WSB2: variants seen among roughly 807,000 people sequenced by gnomAD.
WSB2 encodes WD repeat and SOCS box-containing protein 2.
Under a neutral mutation model 48.8 loss-of-function variants are expected in WSB2, and 12 were observed. The observed-to-expected ratio is 0.25, with a 90% CI of 0.16 to 0.40. The LOEUF (loss-of-function observed/expected upper bound fraction) is 0.40. Ranked by LOEUF, WSB2 falls within the 10% of genes least tolerant of loss-of-function variation. WSB2 has a pLI of 1.00. For synonymous variants in WSB2, 191 were observed against 203.1 expected, an observed-to-expected ratio of 0.94 and a Z score of 0.51; for missense variants, 317 against 506.2, an observed-to-expected ratio of 0.63 and a Z score of 3.59.
Position 118,035,200 on chromosome 12 carries a change from G to A in WSB2, c.944+14C>T, listed in dbSNP as rs776870457. ...CTTGTTCTGAGGCCATGTAAAGAGA[G>A]TTCTCTTCGTTACCTGTCATCTGCC... On this transcript the variant is annotated intron_variant, in intron 7 of 8. Coordinates refer to ENST00000315436, the MANE Select transcript of WSB2 (RefSeq NM_018639.5). 6.2e-7 allele frequency: 1 copy of A among 1,613,914 alleles called. No individual in the cohort carries two copies. The highest frequency in any genetic ancestry group is 1.1e-5 in the South Asian group (1 of 91,074).
intron 2 of WSB2, among the ~76,000 whole-genome samples, chr12:118,045,873 G>C (rs866293542): frequency 1.3e-4 from 20 of 152,006 alleles, no homozygotes; most frequent in African/African-American, 4.8e-4. Context: ...TCCCACCCCC[G>C]GTAACCACCA....
intron 4 of WSB2, 129 bp from the exon 5 acceptor site, chr12:118,038,517 G>T: frequency 1.4e-6 from 1 of 725,324 alleles, no homozygotes; most frequent in South Asian, 1.9e-5. Flanking sequence ...TGGGCCCAAG[G>T]GTCCAATTTT....
upstream of WSB2, among the ~76,000 whole-genome samples, chr12:118,061,469 G>A (rs79950936): frequency 0.039 from 5,860 of 149,528 alleles, 431 homozygotes; most frequent in African/African-American, 0.14. Context: ...GTCCTGAGGG[G>A]AACCAGCGCC....
chr12:118,061,000 C>T lies in WSB2; in HGVS notation c.13+36G>A. 1.2e-5 allele frequency: 12 copies of T among 967,430 alleles called. No homozygotes were observed. The highest frequency in any genetic ancestry group is 1.5e-5 in the Non-Finnish European group (12 of 812,778). 59.9% of individuals were successfully genotyped at this position (967,430 alleles called of 1,614,324 possible). A position where few individuals can be genotyped will look rare whatever the true frequency, so the allele number is the denominator to read the frequency against. Reference sequence around the variant, plus strand: ...CCCCGGGGAGAACGGGCCAGGGCCCCGCCGGGCGGGAACGGGCGCGCCCGG... The same window carrying T: ...CCCCGGGGAGAACGGGCCAGGGCCCTGCCGGGCGGGAACGGGCGCGCCCGG... On this transcript the variant is annotated intron_variant, in intron 1 of 8. Transcript: ENST00000315436. The surrounding 1 kb of genome is among the most constrained non-coding windows in gnomAD (Gnocchi z 4.1).
In WSB2 at chr12:118,033,857, G is replaced by A. The variant is rs1315215045; in HGVS notation, c.*339C>T. The A allele has an allele frequency of 2.1e-5, 6 of 289,812 alleles. No homozygotes were observed. The highest frequency in any genetic ancestry group is 1.8e-4 in the Admixed American group (4 of 22,426). 18.0% of individuals were successfully genotyped at this position (289,812 alleles called of 1,614,324 possible). A position where few individuals can be genotyped will look rare whatever the true frequency, so the allele number is the denominator to read the frequency against. On this transcript the variant is annotated 3_prime_UTR_variant, in exon 9 of 9. Coordinates refer to ENST00000315436, the MANE Select transcript of WSB2 (RefSeq NM_018639.5). ...CTCTGCCACTAGAGAGGCTCTGGAGGCCTACTTAGTTGCATAATCAAAACA... is the reference window on the plus strand; with the variant it reads ...CTCTGCCACTAGAGAGGCTCTGGAGACCTACTTAGTTGCATAATCAAAACA...
At position 118,035,249 on chromosome 12, in the gene WSB2, T is replaced by C. The variant is rs9788041; in HGVS notation, c.909A>G (p.Pro303=). 0.28 allele frequency: 453,012 copies of C among 1,613,944 alleles called. 68,409 individuals are homozygous for C. The highest frequency in any genetic ancestry group is 0.55 in the East Asian group (24,522 of 44,848). The change falls in exon 7 of 9, where the codon CCA becomes CCG. Residue 303 remains proline (P), a synonymous_variant. Coordinates refer to ENST00000315436, the MANE Select transcript of WSB2 (RefSeq NM_018639.5). The part of the protein sequence containing the change: ...ISSLRSVCFS[P]EGLYLATVAD... ...CCACCGTGGCAAGGTACAAGCCTTC[T>C]GGAGAGAAGCACACAGATCTCAGTG...
At chr12:118,038,136 C>A in intron 5 of WSB2, 152 bp downstream of exon 5, 1 of 602,688 alleles carries the variant, frequency 1.7e-6, no homozygotes, top group Non-Finnish European at 2.8e-6. Context: ...GTGCAAGTCA[C>A]AAGGGACTTT....
intron 4 of WSB2, among the ~76,000 whole-genome samples, chr12:118,040,267 C>T (rs758585332): frequency 5.9e-5 from 9 of 152,192 alleles, no homozygotes; most frequent in East Asian, 1.9e-4. Flanking sequence ...AGTGGGGCAG[C>T]GCCTGTCAGC....
At chr12:118,037,667 T>TAAAAAAAAAAA (rs752087366) in intron 5 of WSB2, among the ~76,000 whole-genome samples, 1 of 123,566 alleles carries the variant, frequency 8.1e-6, no homozygotes. Context: ...AAACTCTGTC[T>TAAAAAAAAAAA]AAAAAAAAAA....
chr12:118,061,992 C>T, upstream of WSB2: 1 of 1,086,904 alleles, frequency 9.2e-7, no homozygotes, highest in East Asian at 2.8e-5. Context: ...GTGAGGAGAA[C>T]ACGGGGCGGT....
At chr12:118,058,986 C>T (rs890181140) in intron 1 of WSB2, among the ~76,000 whole-genome samples, 1 of 152,022 alleles carries the variant, frequency 6.6e-6, no homozygotes, top group Non-Finnish European at 1.5e-5. Flanking sequence ...GTGAGCCACC[C>T]CGGCGCATTT....
At position 118,051,822 on chromosome 12, in the gene WSB2, A is replaced by G. The variant is rs533308058; in HGVS notation, c.182+488T>C. On this transcript the variant is annotated intron_variant, in intron 2 of 8. Transcript: ENST00000315436. ...AACCTCGTCTCTACTAATAATACAA[A>G]ACTTAGCCAGGCGTGGTGGTGTGTG... Among the ~76,000 whole-genome samples, 9 of 152,200 alleles carry G rather than the reference A, an allele frequency of 5.9e-5. No individual in the cohort carries two copies. The East Asian group carries it at 1.7e-3, about 29-fold the overall frequency.
chr12:118,040,128 G>A (rs1433747939), intron 4 of WSB2, among the ~76,000 whole-genome samples: 1 of 151,988 alleles, frequency 6.6e-6, no homozygotes, highest in Non-Finnish European at 1.5e-5. Context: ...AGCCGAGATC[G>A]CAGCATTGCA....
upstream of WSB2, chr12:118,061,297 A>C: frequency 3.4e-5 from 21 of 613,500 alleles, no homozygotes; most frequent in Non-Finnish European, 4.2e-5. Context: ...AAGATGGAAA[A>C]TCGGGGAGGC....
At chr12:118,054,260 G>A (rs1182896018) in intron 1 of WSB2, among the ~76,000 whole-genome samples, 3 of 151,266 alleles carry the variant, frequency 2.0e-5, no homozygotes, top group South Asian at 2.1e-4. Context: ...ACATGGTGGC[G>A]GGCACCTGCA....
At position 118,032,961 on chromosome 12, in the gene WSB2, G is replaced by T. The variant is rs1017014986; in HGVS notation, c.*1235C>A. Reference sequence around the variant, plus strand: ...CAATGAAAGCCTCTCATTTTGAAAAGACATGTTTTTCTTCAAGCAACAAAG... The same window carrying T: ...CAATGAAAGCCTCTCATTTTGAAAATACATGTTTTTCTTCAAGCAACAAAG... On this transcript the variant is annotated 3_prime_UTR_variant, in exon 9 of 9. Transcript: ENST00000315436. 6.6e-5 allele frequency: 10 copies of T among 151,982 alleles called. No individual in the cohort carries two copies. The highest frequency in any genetic ancestry group is 1.2e-4 in the Non-Finnish European group (8 of 67,986). The allele number at this position is 151,982 out of a possible 1,614,324, so 9.4% of individuals were successfully genotyped here.
intron 2 of WSB2, among the ~76,000 whole-genome samples, chr12:118,051,167 G>A (rs2031845173): frequency 6.6e-6 from 1 of 152,162 alleles, no homozygotes; most frequent in African/African-American, 2.4e-5. Context: ...ATGGCTGCCT[G>A]CTAGGATAAT....
rs906306927 is a variant in WSB2 at position 118,036,201 on chromosome 12, C to T, written c.833+137G>A. On this transcript the variant is annotated intron_variant, in intron 6 of 8. Coordinates refer to ENST00000315436, the MANE Select transcript of WSB2 (RefSeq NM_018639.5). ...TGGGTGACAGAGCGAGACTCCGTCT[C>T]AAAAGAGACCCACTGTGCCTTTTTA... 3.7e-6 allele frequency: 4 copies of T among 1,079,952 alleles called. No individual in the cohort carries two copies. In the Admixed American group the frequency reaches 9.2e-5, roughly 25 times the overall value. 66.9% of individuals were successfully genotyped at this position (1,079,952 alleles called of 1,614,324 possible). A position where few individuals can be genotyped will look rare whatever the true frequency, so the allele number is the denominator to read the frequency against.
chr12:118,045,643 G>A (rs943148926), intron 2 of WSB2, among the ~76,000 whole-genome samples: 21 of 151,402 alleles, frequency 1.4e-4, no homozygotes, highest in African/African-American at 4.6e-4. Flanking sequence ...GCCAGGAGGC[G>A]GAGGTTGCAC....
Sources: gnomAD v4.1 joint callset for allele counts (sites outside exome capture counted in the v4.1 genomes callset) on GRCh38, gnomAD v4.1.1 for gene constraint, Gnocchi (gnomAD v3.1) non-coding constraint, MANE v1.5 for transcripts, NCBI Gene and HGNC (gene_info 2026-07-23, HGNC 2026-07-21) for gene names.